The following WWOX variants were observed in gnomAD, a reference collection of about 807,000 sequenced individuals.
WWOX encodes the protein WW domain-containing oxidoreductase.
WWOX carries 69 observed loss-of-function variants against 46.2 expected under a neutral mutation model. The ratio of observed to expected loss-of-function variants is 1.49; its 90% CI spans 1.23 to 1.82. WWOX has a LOEUF of 1.82. Ranked by LOEUF, WWOX falls within the 40% of genes most tolerant of loss-of-function variation. The pLI is 0.00. For missense variants in WWOX, 919 were observed against 542.6 expected (o/e 1.69, Z -6.89); for synonymous variants, 359 against 202.6 (o/e 1.77, Z -6.56).
At chr16:78,852,947 G>A (rs1168136629) in intron 8 of WWOX, among the ~76,000 whole-genome samples, 1 of 152,132 alleles carries the variant, frequency 6.6e-6, no homozygotes, top group African/African-American at 2.4e-5. Context: ...TGACATACTG[G>A]AGATCAGTCA....
At chr16:78,427,557 C>A (rs73572828) in intron 7 of WWOX, among the ~76,000 whole-genome samples, 3 of 151,970 alleles carry the variant, frequency 2.0e-5, no homozygotes, top group African/African-American at 7.3e-5. Context: ...CACACACACA[C>A]GGAGTTTCTC....
intron 8 of WWOX, among the ~76,000 whole-genome samples, chr16:79,173,125 C>G (rs76088125): frequency 0.028 from 4,239 of 152,298 alleles, 214 homozygotes; most frequent in African/African-American, 0.096. Context: ...CATTGTTAAT[C>G]ACATTTGACA....
chr16:78,638,515 C>T (rs1259707061), intron 8 of WWOX, among the ~76,000 whole-genome samples: 2 of 152,146 alleles, frequency 1.3e-5, no homozygotes, highest in African/African-American at 2.4e-5. Flanking sequence ...GTCTGCACTC[C>T]TTTTGTCTGG....
At chr16:78,304,918 T>G (rs1207615939) in intron 5 of WWOX, among the ~76,000 whole-genome samples, 4 of 152,090 alleles carry the variant, frequency 2.6e-5, no homozygotes, top group Non-Finnish European at 5.9e-5. Flanking sequence ...TTTTTCTTCC[T>G]CTCTTTCCTT....
chr16:78,149,754 T>G (rs1423596196), intron 4 of WWOX, among the ~76,000 whole-genome samples: 2 of 152,148 alleles, frequency 1.3e-5, no homozygotes, highest in African/African-American at 4.8e-5. Flanking sequence ...TCCCATGATT[T>G]GTATTTGACT....
At chr16:78,201,787 C>T (rs978821615) in intron 5 of WWOX, among the ~76,000 whole-genome samples, 4 of 152,112 alleles carry the variant, frequency 2.6e-5, no homozygotes, top group Admixed American at 6.5e-5. Context: ...GCAACCTCTG[C>T]CTCCCAGGTT....
intron 8 of WWOX, among the ~76,000 whole-genome samples, chr16:78,692,333 T>C (rs2048008270): frequency 6.6e-6 from 1 of 152,352 alleles, no homozygotes. Context: ...CTGAAAGGAC[T>C]TAAAGAAACC....
intron 8 of WWOX, among the ~76,000 whole-genome samples, chr16:78,877,818 C>A (rs535424512): frequency 3.3e-5 from 5 of 152,274 alleles, no homozygotes; most frequent in African/African-American, 1.2e-4. Flanking sequence ...ATGTCCAACT[C>A]ACTCTACCAC....
intron 6 of WWOX, among the ~76,000 whole-genome samples, chr16:78,422,885 A>ACT (rs2082983884): frequency 7.7e-6 from 1 of 130,700 alleles, no homozygotes; most frequent in African/African-American, 3.1e-5. Context: ...ACACACACAC[A>ACT]TATATTTTTT....
At chr16:78,910,191 C>T (rs888564522) in intron 8 of WWOX, among the ~76,000 whole-genome samples, 1 of 152,110 alleles carries the variant, frequency 6.6e-6, no homozygotes, top group African/African-American at 2.4e-5. Context: ...AGGTGACTTG[C>T]TTTAGCCAAA....
intron 8 of WWOX, among the ~76,000 whole-genome samples, chr16:78,813,635 C>CTCCAAGG (rs2051256281): frequency 1.3e-5 from 2 of 152,028 alleles, no homozygotes; most frequent in Non-Finnish European, 2.9e-5. Flanking sequence ...TCCATTGTGT[C>CTCCAAGG]TCCAAGGTCT....
At chr16:79,053,451 G>T (rs77786673) in intron 8 of WWOX, among the ~76,000 whole-genome samples, 1 of 152,126 alleles carries the variant, frequency 6.6e-6, no homozygotes, top group African/African-American at 2.4e-5. Context: ...AATTCAATTT[G>T]TAGGAAACTT....
chr16:78,820,277 T>C (rs927268694), intron 8 of WWOX, among the ~76,000 whole-genome samples: 2 of 152,192 alleles, frequency 1.3e-5, no homozygotes, highest in African/African-American at 2.4e-5. Context: ...AGTACCAGAA[T>C]GTCCTTTCCA....
intron 8 of WWOX, among the ~76,000 whole-genome samples, chr16:78,572,949 C>G (rs560013354): frequency 6.6e-6 from 1 of 152,186 alleles, no homozygotes; most frequent in African/African-American, 2.4e-5. Context: ...TTATATGTGG[C>G]ACATATCACA....
At chr16:78,423,086 C>T (rs992517601) in intron 6 of WWOX, among the ~76,000 whole-genome samples, 8 of 151,726 alleles carry the variant, frequency 5.3e-5, no homozygotes, top group Non-Finnish European at 1.0e-4. Context: ...GGGGTTTCAC[C>T]ATGTTGGTCA....
chr16:78,213,110 G>A (rs376227642), intron 5 of WWOX, among the ~76,000 whole-genome samples: 49 of 152,076 alleles, frequency 3.2e-4, no homozygotes, highest in African/African-American at 1.1e-3. Context: ...GATTAGTCAG[G>A]TATGGTGACG....
intron 8 of WWOX, among the ~76,000 whole-genome samples, chr16:78,951,167 G>A (rs1027699268): frequency 6.6e-6 from 1 of 152,198 alleles, no homozygotes; most frequent in African/African-American, 2.4e-5. Flanking sequence ...GCCTAAGGGT[G>A]GATCTGGCGT....
intron 8 of WWOX, among the ~76,000 whole-genome samples, chr16:78,729,717 T>C (rs2048922615): frequency 6.6e-6 from 1 of 152,272 alleles, no homozygotes; most frequent in Non-Finnish European, 1.5e-5. Context: ...CAGTTTGTGG[T>C]AATTTGTTAC....
At chr16:79,087,677 T>A (rs919243101) in intron 8 of WWOX, among the ~76,000 whole-genome samples, 2 of 152,212 alleles carry the variant, frequency 1.3e-5, no homozygotes, top group Middle Eastern at 3.2e-3. Flanking sequence ...GATCGTTGCA[T>A]TTGTGGTCCT....
Sources: allele counts gnomAD v4.1 joint callset (sites outside exome capture counted in the v4.1 genomes callset), GRCh38; gene constraint gnomAD v4.1.1; transcripts MANE v1.5; gene names NCBI Gene and HGNC (gene_info 2026-07-23, HGNC 2026-07-21).